Variants in A2ML1 observed in about 807,000 individuals in gnomAD.
A2ML1 encodes the protein alpha-2-macroglobulin-like protein 1.
In A2ML1, 161 loss-of-function variants were observed where a neutral mutation model predicts 181.9. The observed-to-expected ratio is 0.89, with a 90% confidence interval of 0.78 to 1.01. A2ML1 has a LOEUF of 1.01. Ranked by LOEUF, A2ML1 falls within the 50% of genes least tolerant of loss-of-function variation. The pLI is 0.00. For missense variants in A2ML1, 1,670 were observed against 1,768.1 expected, an observed-to-expected ratio of 0.94 and a Z score of 1.00; for synonymous variants, 663 against 666.8, an observed-to-expected ratio of 0.99 and a Z score of 0.09.
At chr12:8,881,960 G>A (rs1370779022) in intron 7 of A2ML1, among the ~76,000 whole-genome samples, 2 of 151,658 alleles carry the variant, frequency 1.3e-5, no homozygotes, top group Non-Finnish European at 1.5e-5. Flanking sequence ...GCAGTGAGCC[G>A]AGATTGCGCC....
intron 12 of A2ML1, among the ~76,000 whole-genome samples, chr12:8,844,002 G>A (rs147686885): frequency 0.012 from 1,875 of 152,200 alleles, 32 homozygotes; most frequent in African/African-American, 0.042. Context: ...TTACAGGCAT[G>A]AGCCACCGCG....
intron 7 of A2ML1, among the ~76,000 whole-genome samples, chr12:8,885,030 T>C (rs1944908652): frequency 6.6e-6 from 1 of 152,182 alleles, no homozygotes; most frequent in Non-Finnish European, 1.5e-5. Flanking sequence ...TTCCTCTGGG[T>C]ATATATCCAG....
chr12:8,877,181 A>C (rs754386651), downstream of A2ML1, among the ~76,000 whole-genome samples: 16 of 152,240 alleles, frequency 1.1e-4, no homozygotes, highest in Non-Finnish European at 1.8e-4. Context: ...GGATAAGGGA[A>C]GTAAGATGAA....
chr12:8,869,347 A>G (rs772098285), intron 33 of A2ML1, 144 bp downstream of exon 33: 4 of 776,784 alleles, frequency 5.1e-6, no homozygotes, highest in East Asian at 2.6e-5. Context: ...TTCTGCCTCC[A>G]TGCTGGTATA....
chr12:8,847,784 G>C, intron 15 of A2ML1, 86 bp downstream of exon 15: 1 of 1,504,044 alleles, frequency 6.6e-7, no homozygotes, highest in Non-Finnish European at 8.9e-7. Context: ...GGGAGAGAAA[G>C]TCTTAGGGAA....
At chr12:8,861,812 T>G (rs1230522632) in intron 28 of A2ML1, among the ~76,000 whole-genome samples, 1 of 144,882 alleles carries the variant, frequency 6.9e-6, no homozygotes. Flanking sequence ...CAAGCTGGAG[T>G]GCAATGGCGT....
intron 33 of A2ML1, among the ~76,000 whole-genome samples, chr12:8,870,391 C>G (rs1592159390): frequency 7.1e-6 from 1 of 140,130 alleles, no homozygotes; most frequent in South Asian, 2.1e-4. Flanking sequence ...CCTCAGCCTC[C>G]CGAGTAGCTG....
intron 35 of A2ML1, 68 bp downstream of exon 35, chr12:8,875,080 C>T (rs1944759789): frequency 4.6e-6 from 7 of 1,510,542 alleles, no homozygotes; most frequent in Non-Finnish European, 5.5e-6. Context: ...AGCCTCTTTT[C>T]GAGTTACTGT....
chr12:8,879,302 G>C (rs1263079432), downstream of A2ML1, among the ~76,000 whole-genome samples: 1 of 152,018 alleles, frequency 6.6e-6, no homozygotes, highest in Non-Finnish European at 1.5e-5. Flanking sequence ...GATCAGCCTG[G>C]CTAACATGGT....
Position 8,847,538 on chromosome 12 carries a change from C to T in A2ML1, c.1684-11C>T, listed in dbSNP as rs1199799846. 6.2e-7 allele frequency: 1 copy of T among 1,603,528 alleles called. No homozygotes were observed. The highest frequency in any genetic ancestry group is 1.1e-5 in the South Asian group (1 of 89,230). On this transcript the variant is annotated splice_polypyrimidine_tract_variant and intron_variant, in intron 14 of 35. Transcript: ENST00000299698. ...GACCTGATCCCCAAGTTATACCTTT[C>T]CCTTCCCCAGGTTTCCCTTGGCTTC...
chr12:8,824,381 A>C (rs1942859680), intron 3 of A2ML1, among the ~76,000 whole-genome samples: 1 of 151,588 alleles, frequency 6.6e-6, no homozygotes, highest in African/African-American at 2.4e-5. Flanking sequence ...GCTGGTGTAT[A>C]TATATTTATG....
At chr12:8,845,590 G>A (rs1203085572) in intron 13 of A2ML1, 88 bp downstream of exon 13, 4 of 1,368,846 alleles carry the variant, frequency 2.9e-6, no homozygotes, top group African/African-American at 2.9e-5. Flanking sequence ...GCTCATGCCT[G>A]TAATCCCAGC....
chr12:8,823,262 G>A lies in A2ML1; in HGVS notation c.143G>A (p.Ser48Asn), dbSNP rs1295974752. 2 of 1,614,012 alleles carry A rather than the reference G, an allele frequency of 1.2e-6. No homozygotes were observed. The highest frequency in any genetic ancestry group is 3.3e-5 in the Admixed American group (2 of 59,996). ...TGTTTGGACCTGAGCCCTGGGTACA[G>A]TGATGTTAAATTCACGGTTACTCTG... ...KVCLDLSPGY[S>N]DVKFTVTLET... Residue 48 changes from serine (S) to asparagine (N), a missense_variant, in exon 2 of 36, where the codon AGT (serine) becomes AAT (asparagine). Coordinates refer to ENST00000299698, the MANE Select transcript of A2ML1 (RefSeq NM_144670.6).
intron 10 of A2ML1, among the ~76,000 whole-genome samples, chr12:8,839,479 G>A (rs1191766178): frequency 6.6e-6 from 1 of 151,836 alleles, no homozygotes; most frequent in Non-Finnish European, 1.5e-5. Flanking sequence ...AATCCAGGAA[G>A]CCTGCCTCCC....
intron 23 of A2ML1, among the ~76,000 whole-genome samples, 177 bp downstream of exon 23, chr12:8,855,769 G>A (rs1197610983): frequency 6.6e-6 from 1 of 152,188 alleles, no homozygotes; most frequent in East Asian, 1.9e-4. Flanking sequence ...GTACAGATGG[G>A]ATTAGACTTG....
At chr12:8,845,595 C>T in intron 13 of A2ML1, 93 bp downstream of exon 13, 1 of 1,329,860 alleles carries the variant, frequency 7.5e-7, no homozygotes, top group Middle Eastern at 2.0e-4. Context: ...TGCCTGTAAT[C>T]CCAGCACTTT....
At chr12:8,870,894 G>T (rs1295498778) in intron 33 of A2ML1, among the ~76,000 whole-genome samples, 1 of 152,102 alleles carries the variant, frequency 6.6e-6, no homozygotes, top group Admixed American at 6.6e-5. Context: ...GAGTTAACAG[G>T]CCTAATGATC....
intron 11 of A2ML1, 108 bp downstream of exon 11, chr12:8,841,644 C>T (rs973773669): frequency 2.5e-6 from 3 of 1,189,704 alleles, no homozygotes; most frequent in African/African-American, 1.5e-5. Flanking sequence ...TTACATCTTT[C>T]TCACTCACAA....
Position 8,869,176 on chromosome 12 carries a change from T to A in A2ML1, c.4194T>A (p.Thr1398=), listed in dbSNP as rs1455543737. The A allele has an allele frequency of 6.2e-7, 1 of 1,614,040 alleles. No homozygotes were observed. Among genetic ancestry groups the A allele is most frequent in the Non-Finnish European group, 8.5e-7 (1 of 1,180,028 alleles). The change falls in exon 33 of 36, where the codon ACT becomes ACA. Residue 1398 remains threonine (T), a synonymous_variant. Transcript: ENST00000299698. ...TGGTGAAGAAGGTTGAATTTGGAAC[T>A]GACACACTTAACATTTACTTGGATG... ...QPLVKKVEFG[T]DTLNIYLDEL...
Sources: gnomAD v4.1 joint callset for allele counts (sites outside exome capture counted in the v4.1 genomes callset) on GRCh38, gnomAD v4.1.1 for gene constraint, MANE v1.5 for transcripts, NCBI Gene and HGNC (gene_info 2026-07-23, HGNC 2026-07-21) for gene names.